The following NRCAM variants were observed in gnomAD, a reference collection of about 807,000 sequenced individuals.
NRCAM encodes the protein neuronal cell adhesion molecule.
NRCAM carries 83 observed loss-of-function variants against 156.5 expected under a neutral mutation model. That is an observed-to-expected ratio of 0.53 (90% CI 0.44 to 0.64). NRCAM has a LOEUF of 0.64. Ranked by LOEUF, NRCAM falls within the 30% of genes least tolerant of loss-of-function variation. The pLI is 0.00. For synonymous variants in NRCAM, 538 were observed against 563.9 expected (o/e 0.95, Z 0.65); for missense variants, 1,417 against 1,597.3 (o/e 0.89, Z 1.92).
At chr7:108,186,493 T>C (rs1442511705) in intron 20 of NRCAM, among the ~76,000 whole-genome samples, 2 of 152,186 alleles carry the variant, frequency 1.3e-5, no homozygotes, top group Non-Finnish European at 2.9e-5. Context: ...ACCATTAAAA[T>C]ATATCCAAAA....
intron 6 of NRCAM, among the ~76,000 whole-genome samples, chr7:108,233,394 A>C (rs6978117): frequency 0.074 from 11,255 of 152,176 alleles, 603 homozygotes; most frequent in African/African-American, 0.14. Context: ...CTACTGGCAT[A>C]TTGTGGGCAG....
intron 2 of NRCAM, among the ~76,000 whole-genome samples, chr7:108,353,343 CTTTTT>C (rs1445711655): frequency 6.6e-6 from 1 of 151,046 alleles, no homozygotes; most frequent in African/African-American, 2.4e-5. Flanking sequence ...TTCTTCTTTC[CTTTTT>C]TAATTATTTT....
chr7:108,333,940 G>A (rs2154253568), intron 2 of NRCAM, among the ~76,000 whole-genome samples: 1 of 152,208 alleles, frequency 6.6e-6, no homozygotes, highest in Admixed American at 6.5e-5. Context: ...GTTTGAATGT[G>A]TGTGTCTCTG....
At chr7:108,246,743 G>T (rs2095957105) in intron 3 of NRCAM, among the ~76,000 whole-genome samples, 1 of 152,276 alleles carries the variant, frequency 6.6e-6, no homozygotes, top group African/African-American at 2.4e-5. Context: ...AGTGACTGAG[G>T]TTGAGACATC....
At chr7:108,226,064 T>C (rs1477558614) in intron 9 of NRCAM, 144 bp downstream of exon 9, 6 of 632,942 alleles carry the variant, frequency 9.5e-6, no homozygotes, top group Admixed American at 2.8e-5. Context: ...ATAACATATA[T>C]GCCAACACTT....
intron 28 of NRCAM, among the ~76,000 whole-genome samples, chr7:108,169,515 A>C (rs1213413164): frequency 6.6e-6 from 1 of 152,224 alleles, no homozygotes; most frequent in Non-Finnish European, 1.5e-5. Context: ...TAATAAAATT[A>C]CATTTCTTAG....
At chr7:108,344,787 A>T (rs2099334108) in intron 2 of NRCAM, among the ~76,000 whole-genome samples, 1 of 152,228 alleles carries the variant, frequency 6.6e-6, no homozygotes, top group African/African-American at 2.4e-5. Context: ...TATTTAGCTT[A>T]TATTTCTTAC....
In NRCAM at chr7:108,245,173, C is replaced by T. The variant is rs181218629; in HGVS notation, c.-106-5003G>A. On this transcript the variant is annotated intron_variant, in intron 3 of 32. Transcript: ENST00000379028. ...TAAATGTCACGTGATATGTGAAGTA[C>T]CAGATCTAGAGCTCCAGTTCCGGAA... Among the ~76,000 whole-genome samples the T allele has an allele frequency of 6.6e-5, 10 of 152,218 alleles. No homozygotes were observed. The East Asian group carries it at 1.9e-3, about 29-fold the overall frequency.
At position 108,176,423 on chromosome 7, in the gene NRCAM, A is replaced by G. The variant is rs767334085; in HGVS notation, c.3151+7T>C. 8.7e-6 allele frequency: 14 copies of G among 1,609,910 alleles called. No homozygotes were observed. The Admixed American group carries it at 1.2e-4, about 13-fold the overall frequency. ...AATTATATGGATTTTATACATACCC[A>G]TCTTACCTTCATCCACAGTTGTTAC... On this transcript the variant is annotated splice_region_variant and intron_variant, in intron 27 of 32. Transcript: ENST00000379028.
intron 1 of NRCAM, among the ~76,000 whole-genome samples, chr7:108,430,084 T>C (rs959833986): frequency 6.6e-6 from 1 of 151,792 alleles, no homozygotes; most frequent in African/African-American, 2.4e-5. Context: ...CAGAGCTGAG[T>C]TGGGGGGTGC....
At chr7:108,358,437 T>C (rs904793688) in intron 2 of NRCAM, among the ~76,000 whole-genome samples, 4 of 150,408 alleles carry the variant, frequency 2.7e-5, no homozygotes, top group Non-Finnish European at 5.9e-5. Flanking sequence ...CAAAACTTCC[T>C]GCCACTGTCC....
At chr7:108,252,813 G>C (rs574728651) in intron 3 of NRCAM, among the ~76,000 whole-genome samples, 73 of 152,320 alleles carry the variant, frequency 4.8e-4, no homozygotes, top group African/African-American at 1.6e-3. Flanking sequence ...TGAGAGCAAG[G>C]GTATGGATGG....
intron 1 of NRCAM, among the ~76,000 whole-genome samples, chr7:108,425,858 A>T (rs56338390): frequency 6.6e-6 from 1 of 152,338 alleles, no homozygotes; most frequent in Non-Finnish European, 1.5e-5. Flanking sequence ...ATCAGACAGA[A>T]GTCCAATTAC....
chr7:108,214,870 C>T (rs13228675), intron 11 of NRCAM, among the ~76,000 whole-genome samples: 36,380 of 152,108 alleles, frequency 0.24, 4,602 homozygotes, highest in Non-Finnish European at 0.28. Flanking sequence ...AGTAGTCACT[C>T]AGGAGCAGGT....
In NRCAM at chr7:108,232,205, A is replaced by G. The variant is rs2094425643; in HGVS notation, c.427+121T>C. 1.2e-5 allele frequency: 9 copies of G among 740,386 alleles called. No individual in the cohort carries two copies. The Admixed American group carries it at 2.6e-4, about 21-fold the overall frequency. The allele number at this position is 740,386 out of a possible 1,614,324, so 45.9% of individuals were successfully genotyped here. A position where few individuals can be genotyped will look rare whatever the true frequency, so the allele number is the denominator to read the frequency against. On this transcript the variant is annotated intron_variant, in intron 7 of 32. Coordinates refer to ENST00000379028, the MANE Select transcript of NRCAM (RefSeq NM_001037132.4). Reference sequence around the variant, plus strand: ...GAGCAATAACTTTCATGCAAAACAAAGTCAGAATATTGGAAGCAATGCCAC... The same window carrying G: ...GAGCAATAACTTTCATGCAAAACAAGGTCAGAATATTGGAAGCAATGCCAC...
chr7:108,194,372 T>C lies in NRCAM; in HGVS notation c.1520A>G (p.Asn507Ser), dbSNP rs1452755131. The change falls in exon 16 of 33, where the codon AAT becomes AGT. Residue 507 changes from asparagine (N) to serine (S), a missense_variant. By Grantham distance (46) the Asn-to-Ser change is conservative. Around this residue, in one of 2 missense-constraint regions of NRCAM, gnomAD observed 1,238 missense variants for 1,336.4 expected, o/e 0.93. Transcript: ENST00000379028. ...LHEDIYVLHE[N>S]GTLEIPVAQK... ...GGCCACAGGAATTTCCAAAGTTCCA[T>C]TTTCATGTAAAACATAAATATCTTC... 1.2e-6 allele frequency: 2 copies of C among 1,613,406 alleles called. No individual in the cohort carries two copies. The highest frequency in any genetic ancestry group is 3.3e-5 in the Admixed American group (2 of 59,982).
At chr7:108,244,209 T>C (rs558946832) in intron 3 of NRCAM, among the ~76,000 whole-genome samples, 1 of 152,200 alleles carries the variant, frequency 6.6e-6, no homozygotes, top group East Asian at 1.9e-4. Context: ...CTTTTCAGCA[T>C]CCCAACATGG....
intron 13 of NRCAM, among the ~76,000 whole-genome samples, chr7:108,205,854 G>A (rs759914050): frequency 9.2e-5 from 14 of 152,126 alleles, no homozygotes; most frequent in Non-Finnish European, 1.8e-4. Context: ...CTCTGAAAGT[G>A]CTGGGATTAC....
At chr7:108,400,906 G>A (rs2154395567) in intron 1 of NRCAM, among the ~76,000 whole-genome samples, 1 of 152,214 alleles carries the variant, frequency 6.6e-6, no homozygotes, top group Non-Finnish European at 1.5e-5. Context: ...TGATGACTAG[G>A]AAGTGATGAG....
Sources: gnomAD v4.1 joint callset for allele counts (sites outside exome capture counted in the v4.1 genomes callset) on GRCh38, gnomAD v4.1.1 for gene constraint, gnomAD v4.1.1 regional missense constraint, MANE v1.5 for transcripts, NCBI Gene and HGNC (gene_info 2026-07-23, HGNC 2026-07-21) for gene names.